Variants in CA1 observed in about 807,000 individuals in gnomAD.
CA1 encodes carbonate dehydratase I.
In CA1, 27 loss-of-function variants were observed where a neutral mutation model predicts 28.8. That is an observed-to-expected ratio of 0.94 (90% CI 0.69 to 1.29). The LOEUF is 1.29. Among genes scored for constraint, CA1 ranks in the 50% most tolerant of loss-of-function variants. CA1 has a pLI of 0.00. For synonymous variants in CA1, 121 were observed against 108.8 expected (o/e 1.11, Z -0.70); for missense variants, 335 against 310.5 (o/e 1.08, Z -0.59).
At chr8:85,331,549 T>C (rs1481722510) in intron 6 of CA1, among the ~76,000 whole-genome samples, 1 of 152,062 alleles carries the variant, frequency 6.6e-6, no homozygotes, top group Non-Finnish European at 1.5e-5. Flanking sequence ...CTCCACCTCC[T>C]GGGTTCAAGC....
intron 2 of CA1, 140 bp from the exon 3 acceptor site, chr8:85,338,589 T>G: frequency 1.4e-6 from 1 of 721,070 alleles, no homozygotes; most frequent in Non-Finnish European, 2.5e-6. Flanking sequence ...TTAATAGAAA[T>G]TCTGTGTTTG....
intron 1 of CA1, among the ~76,000 whole-genome samples, chr8:85,350,854 C>T (rs1324084358): frequency 6.6e-6 from 1 of 152,120 alleles, no homozygotes; most frequent in Non-Finnish European, 1.5e-5. Context: ...TGCAGTGATT[C>T]GATCTGGGGA....
intron 1 of CA1, among the ~76,000 whole-genome samples, chr8:85,354,602 C>T (rs1809536882): frequency 6.6e-6 from 1 of 152,098 alleles, no homozygotes; most frequent in African/African-American, 2.4e-5. Context: ...GTGGAGTCAC[C>T]AGTGGAAGTC....
At chr8:85,359,607 A>G (rs1345186999) in intron 1 of CA1, among the ~76,000 whole-genome samples, 1 of 152,254 alleles carries the variant, frequency 6.6e-6, no homozygotes, top group Non-Finnish European at 1.5e-5. Context: ...GAAGCCCTGC[A>G]TGGAAATGAC....
intron 1 of CA1, among the ~76,000 whole-genome samples, chr8:85,371,746 C>T (rs1353326629): frequency 1.3e-5 from 2 of 152,176 alleles, no homozygotes; most frequent in East Asian, 3.8e-4. Context: ...AAAGATTTTA[C>T]TGTGTTGATA....
intron 2 of CA1, 33 bp downstream of exon 2, chr8:85,341,566 C>T (rs777335701): frequency 1.5e-6 from 2 of 1,330,114 alleles, no homozygotes; most frequent in South Asian, 2.3e-5. Context: ...AACAAGTTAT[C>T]ATTTTGATCT....
At chr8:85,332,671 G>T in intron 5 of CA1, 119 bp from the exon 6 acceptor site, 1 of 741,914 alleles carries the variant, frequency 1.3e-6, no homozygotes, top group Admixed American at 2.0e-5. Flanking sequence ...TTTTCTCTCT[G>T]CTTTAGAAGG....
At chr8:85,377,544 C>T (rs953299425) in intron 1 of CA1, among the ~76,000 whole-genome samples, 1 of 152,200 alleles carries the variant, frequency 6.6e-6, no homozygotes, top group Non-Finnish European at 1.5e-5. Context: ...GTGGCTCACG[C>T]CTCTAGTCCC....
chr8:85,341,769 C>A, intron 1 of CA1, 110 bp from the exon 2 acceptor site: 1 of 672,520 alleles, frequency 1.5e-6, no homozygotes, highest in Non-Finnish European at 2.7e-6. Context: ...TTTAATAGGC[C>A]ATTATTTCAT....
At chr8:85,355,980 C>T (rs1809593016) in intron 1 of CA1, among the ~76,000 whole-genome samples, 1 of 152,006 alleles carries the variant, frequency 6.6e-6, no homozygotes, top group Admixed American at 6.6e-5. Flanking sequence ...CTGAATATAA[C>T]GTCCTTCATT....
chr8:85,368,980 A>G (rs562994369), intron 1 of CA1, among the ~76,000 whole-genome samples: 1 of 152,140 alleles, frequency 6.6e-6, no homozygotes, highest in South Asian at 2.1e-4. Context: ...GCTCGAAAAA[A>G]GCTTCCCTTG....
intron 1 of CA1, among the ~76,000 whole-genome samples, chr8:85,354,832 A>T (rs780004095): frequency 4.9e-4 from 75 of 152,222 alleles, no homozygotes; most frequent in Admixed American, 1.1e-3. Flanking sequence ...GACATGTATG[A>T]ACCTGTCTTT....
At chr8:85,349,435 A>T (rs755201090) in intron 1 of CA1, among the ~76,000 whole-genome samples, 8 of 152,244 alleles carry the variant, frequency 5.3e-5, no homozygotes, top group Non-Finnish European at 1.2e-4. Context: ...TCAAACTAAC[A>T]GTAACTTTTT....
At chr8:85,356,666 T>G (rs1809616617) in intron 1 of CA1, among the ~76,000 whole-genome samples, 1 of 152,232 alleles carries the variant, frequency 6.6e-6, no homozygotes, top group Non-Finnish European at 1.5e-5. Context: ...TTCCTTTTTT[T>G]TCATTTTACT....
intron 1 of CA1, among the ~76,000 whole-genome samples, chr8:85,372,231 G>A (rs1810255661): frequency 6.6e-6 from 1 of 151,926 alleles, no homozygotes; most frequent in Non-Finnish European, 1.5e-5. Context: ...TTTTTGGGAG[G>A]CCCTCTTTAA....
intron 6 of CA1, among the ~76,000 whole-genome samples, chr8:85,331,628 T>C (rs1331244492): frequency 6.6e-6 from 1 of 151,966 alleles, no homozygotes; most frequent in Non-Finnish European, 1.5e-5. Context: ...AGCTAATTTT[T>C]TGTATTTTTA....
intron 6 of CA1, among the ~76,000 whole-genome samples, chr8:85,331,577 C>A (rs1273961507): frequency 6.6e-6 from 1 of 152,090 alleles, no homozygotes; most frequent in Non-Finnish European, 1.5e-5. Context: ...CTGGCTCAAT[C>A]TCCTGATTAG....
chr8:85,362,482 T>C (rs1809834910), intron 1 of CA1, among the ~76,000 whole-genome samples: 1 of 152,076 alleles, frequency 6.6e-6, no homozygotes, highest in Non-Finnish European at 1.5e-5. Flanking sequence ...GCTGGGGTAT[T>C]GAGGAGGAAA....
intron 6 of CA1, 54 bp downstream of exon 6, chr8:85,332,436 A>C: frequency 7.3e-7 from 1 of 1,370,254 alleles, no homozygotes; most frequent in South Asian, 1.2e-5. Flanking sequence ...AATGATTTCC[A>C]TAGATCTGTA....
Sources: gnomAD v4.1 joint callset for allele counts (sites outside exome capture counted in the v4.1 genomes callset) on GRCh38, gnomAD v4.1.1 for gene constraint, MANE v1.5 for transcripts, NCBI Gene and HGNC (gene_info 2026-07-23, HGNC 2026-07-21) for gene names.